The following CRISPLD2 variants were observed in gnomAD, a reference collection of about 807,000 sequenced individuals.
CRISPLD2 encodes the protein cysteine-rich secretory protein LCCL domain-containing 2.
Under a neutral mutation model 71.1 loss-of-function variants are expected in CRISPLD2, and 47 were observed. The ratio of observed to expected loss-of-function variants is 0.66; its 90% CI spans 0.52 to 0.84. The LOEUF (loss-of-function observed/expected upper bound fraction) is 0.84. CRISPLD2 is among the 40% of genes least tolerant of loss of function. CRISPLD2 has a pLI of 0.00. For missense variants in CRISPLD2, 830 were observed against 651.1 expected (o/e 1.27, Z -2.99); for synonymous variants, 317 against 250.1 (o/e 1.27, Z -2.52).
At position 84,838,693 on chromosome 16, in the gene CRISPLD2, T is replaced by C; in HGVS notation, c.198T>C (p.Leu66=). The change falls in exon 2 of 15, where the codon CTT becomes CTC. Residue 66 remains leucine, a synonymous_variant. Transcript: ENST00000262424. ...KEEILMLHNK[L]RGQVQPQASN... is the part of the protein sequence containing the mutation. ...AGATCCTCATGCTGCACAACAAGCT[T>C]CGGGGCCAGGTGCAGCCTCAGGCCT... The C allele has an allele frequency of 6.2e-7, 1 of 1,614,086 alleles. No individual in the cohort carries two copies. The highest frequency in any genetic ancestry group is 8.5e-7 in the Non-Finnish European group (1 of 1,180,030).
intron 14 of CRISPLD2, among the ~76,000 whole-genome samples, chr16:84,902,767 C>A (rs1336014155): frequency 7.8e-6 from 1 of 127,688 alleles, no homozygotes. Context: ...AAAATCGGCC[C>A]ATTGCTTTTT....
chr16:84,878,368 C>G (rs545979904), intron 12 of CRISPLD2, among the ~76,000 whole-genome samples: 1 of 139,636 alleles, frequency 7.2e-6, no homozygotes, highest in South Asian at 2.1e-4. Context: ...CGGCCACACC[C>G]CTGCACCAGG....
rs183651564 is a variant in CRISPLD2 at position 84,883,671 on chromosome 16, C to G, written c.1305+3087C>G. On this transcript the variant is annotated intron_variant, in intron 13 of 14. Coordinates refer to ENST00000262424, the MANE Select transcript of CRISPLD2 (RefSeq NM_031476.4). ...CATTCCAACAAGTTCCCAGGTGAACCTGCTGGTCTGGAACTGCATGTTGAG... is the reference window on the plus strand; with the variant it reads ...CATTCCAACAAGTTCCCAGGTGAACGTGCTGGTCTGGAACTGCATGTTGAG... 8.3e-3 allele frequency among the ~76,000 whole-genome samples: 1,266 copies of G among 152,254 alleles called. 10 individuals are homozygous for G. Among genetic ancestry groups the G allele is most frequent in the Non-Finnish European group, 0.013 (903 of 68,006 alleles).
intron 6 of CRISPLD2, among the ~76,000 whole-genome samples, chr16:84,857,471 C>T (rs184234005): frequency 1.6e-3 from 238 of 152,318 alleles, no homozygotes; most frequent in African/African-American, 5.2e-3. Flanking sequence ...CTTCCAAGTC[C>T]CTGACCATCC....
Position 84,832,014 on chromosome 16 carries a change from C to T in CRISPLD2, c.-74-6408C>T, listed in dbSNP as rs139014490. Among the ~76,000 whole-genome samples the T allele has an allele frequency of 4.8e-3, 731 of 152,352 alleles. 2 individuals carry two copies. The highest frequency in any genetic ancestry group is 0.013 in the South Asian group (63 of 4,832). ...CCTCCCAACGTTCTGGGATTGCAGG[C>T]GTGAGCCGCCATGTCCAGCCGGATT... On this transcript the variant is annotated intron_variant, in intron 1 of 14. Coordinates refer to ENST00000262424, the MANE Select transcript of CRISPLD2 (RefSeq NM_031476.4).
chr16:84,881,242 T>C (rs1225023135), intron 13 of CRISPLD2, among the ~76,000 whole-genome samples: 1 of 152,230 alleles, frequency 6.6e-6, no homozygotes, highest in Non-Finnish European at 1.5e-5. Flanking sequence ...GTCCACGCAC[T>C]GTATTTCTTC....
At chr16:84,904,640 G>A (rs2071785909) in intron 14 of CRISPLD2, among the ~76,000 whole-genome samples, 1 of 151,642 alleles carries the variant, frequency 6.6e-6, no homozygotes, top group African/African-American at 2.4e-5. Context: ...ATGATTGGAA[G>A]TCCATAAAAT....
intron 13 of CRISPLD2, among the ~76,000 whole-genome samples, chr16:84,881,486 G>A (rs1388857689): frequency 1.3e-5 from 2 of 152,156 alleles, no homozygotes; most frequent in African/African-American, 2.4e-5. Context: ...TGTGACTGTG[G>A]TCCCACTTCT....
intron 10 of CRISPLD2, 47 bp from the exon 11 acceptor site, chr16:84,873,873 T>G: frequency 6.6e-7 from 1 of 1,524,808 alleles, no homozygotes; most frequent in Non-Finnish European, 8.9e-7. Context: ...AGCAATTCTA[T>G]TTGCATTTAC....
At position 84,854,115 on chromosome 16, in the gene CRISPLD2, G is replaced by A. The variant is rs530196892; in HGVS notation, c.609-614G>A. 2.0e-5 allele frequency among the ~76,000 whole-genome samples: 3 copies of A among 152,308 alleles called. No individual in the cohort carries two copies. In the South Asian group the frequency reaches 6.2e-4, roughly 32 times the overall value. On this transcript the variant is annotated intron_variant, in intron 5 of 14. Coordinates refer to ENST00000262424, the MANE Select transcript of CRISPLD2 (RefSeq NM_031476.4). The stretch of plus-strand genomic sequence containing the variant: ...AGAGTGTGCCTAAGGCTCTGAGCCG[G>A]ACAGCCTGTGTTCAAATCCCAGCCC...
In CRISPLD2 at chr16:84,907,861, G is replaced by A. The variant is rs530415264; in HGVS notation, c.*1219G>A. On this transcript the variant is annotated 3_prime_UTR_variant, in exon 15 of 15. Transcript: ENST00000262424. The stretch of plus-strand genomic sequence containing the variant: ...AAACGTTCCCGAGGCGCCAAGGAGT[G>A]TAGTACACCCTGGCTGCCATCACTC... The A allele has an allele frequency of 1.6e-4, 25 of 152,328 alleles. No individual in the cohort carries two copies. Among genetic ancestry groups the A allele is most frequent in the African/African-American group, 5.5e-4 (23 of 41,570 alleles). 9.4% of individuals were successfully genotyped at this position (152,328 alleles called of 1,614,324 possible). A position where few individuals can be genotyped will look rare whatever the true frequency, so the allele number is the denominator to read the frequency against.
chr16:84,857,220 C>T lies in CRISPLD2; in HGVS notation c.709+2391C>T, dbSNP rs547947518. Among the ~76,000 whole-genome samples, 56 of 152,328 alleles carry T rather than the reference C, an allele frequency of 3.7e-4. 1 individual carries two copies. In the South Asian group the frequency reaches 7.0e-3, roughly 19 times the overall value. The stretch of plus-strand genomic sequence containing the variant: ...TGCATAACCTCCACTCCTGCCAACA[C>T]GGCTACTTTGTTCATGGGCCCATTG... On this transcript the variant is annotated intron_variant, in intron 6 of 14. Transcript: ENST00000262424.
chr16:84,840,767 C>G (rs184411266), intron 2 of CRISPLD2, among the ~76,000 whole-genome samples: 80 of 152,216 alleles, frequency 5.3e-4, no homozygotes, highest in Admixed American at 1.2e-3. Context: ...GTCACAAACT[C>G]CTGACCTCAA....
intron 3 of CRISPLD2, 89 bp from the exon 4 acceptor site, chr16:84,849,296 C>A (rs1917008929): frequency 7.5e-7 from 1 of 1,340,724 alleles, no homozygotes; most frequent in Non-Finnish European, 1.0e-6. Context: ...CCTCGGCCTC[C>A]CTCCCTCCTA....
chr16:84,830,824 T>C (rs1207967923), intron 1 of CRISPLD2, among the ~76,000 whole-genome samples: 1 of 152,176 alleles, frequency 6.6e-6, no homozygotes, highest in East Asian at 1.9e-4. Context: ...TCAGTGTCTA[T>C]GGGATCTGCG....
At chr16:84,893,408 G>A (rs1402108663) in intron 14 of CRISPLD2, among the ~76,000 whole-genome samples, 1 of 152,232 alleles carries the variant, frequency 6.6e-6, no homozygotes, top group African/African-American at 2.4e-5. Context: ...CTCTCAGGAT[G>A]AGGGGTCAGG....
At chr16:84,876,866 G>A (rs1435275820) in intron 11 of CRISPLD2, among the ~76,000 whole-genome samples, 1 of 152,200 alleles carries the variant, frequency 6.6e-6, no homozygotes, top group Non-Finnish European at 1.5e-5. Flanking sequence ...GATCACAGGT[G>A]GCCAGTATTA....
At position 84,838,481 on chromosome 16, in the gene CRISPLD2, T is replaced by C; in HGVS notation, c.-15T>C. ...GCTGCCCCGTGAGTCCCATAGTTGC[T>C]GCAGGAGTGGAGCCATGAGCTGCGT... is the stretch of plus-strand genomic sequence containing the variant. On this transcript the variant is annotated 5_prime_UTR_variant, in exon 2 of 15. Transcript: ENST00000262424. The C allele has an allele frequency of 4.3e-6, 7 of 1,610,788 alleles. No homozygotes were observed. Among genetic ancestry groups the C allele is most frequent in the Non-Finnish European group, 5.9e-6 (7 of 1,177,592 alleles).
chr16:84,883,268 A>G (rs2071583794), intron 13 of CRISPLD2, among the ~76,000 whole-genome samples: 1 of 152,162 alleles, frequency 6.6e-6, no homozygotes, highest in Non-Finnish European at 1.5e-5. Context: ...CTATTTAGCT[A>G]AGAGATTGAT....
Sources: allele counts gnomAD v4.1 joint callset (sites outside exome capture counted in the v4.1 genomes callset), GRCh38; gene constraint gnomAD v4.1.1; transcripts MANE v1.5; gene names NCBI Gene and HGNC (gene_info 2026-07-23, HGNC 2026-07-21).